PFKFB3: variants seen among roughly 807,000 people sequenced by gnomAD.
The protein encoded by PFKFB3 is 6-phosphofructo-2-kinase/fructose-2,6-bisphosphatase 3.
PFKFB3 carries 33 observed loss-of-function variants against 68.0 expected under a neutral mutation model. The observed-to-expected ratio is 0.49, with a 90% CI of 0.37 to 0.65. The LOEUF (loss-of-function observed/expected upper bound fraction) is 0.65. Among genes scored for constraint, PFKFB3 ranks in the 30% least tolerant of loss-of-function variants. PFKFB3 has a pLI of 0.00. For synonymous variants in PFKFB3, 315 were observed against 288.2 expected (o/e 1.09, Z -0.94); for missense variants, 586 against 712.2 (o/e 0.82, Z 2.02).
At chr10:6,251,147 G>A (rs770660910) in intron 14 of PFKFB3, among the ~76,000 whole-genome samples, 2 of 152,202 alleles carry the variant, frequency 1.3e-5, no homozygotes, top group Non-Finnish European at 2.9e-5. Flanking sequence ...TATTTCACAA[G>A]TTGAAATCAA....
chr10:6,205,805 T>C (rs535615948), intron 1 of PFKFB3, among the ~76,000 whole-genome samples: 115 of 150,796 alleles, frequency 7.6e-4, no homozygotes, highest in Non-Finnish European at 9.0e-4. Context: ...TTTATTTATT[T>C]ATTCATTTTT....
rs1846444344 is a variant in PFKFB3, at chr10:6,254,087, T to C, written c.1516-91T>C. ...TGGAGGGTCTTTTTCATCCATGTACTTTCAGATGGCTTTTTTTTTTTTTTT... is the reference window on the plus strand; with the variant it reads ...TGGAGGGTCTTTTTCATCCATGTACCTTCAGATGGCTTTTTTTTTTTTTTT... On this transcript the variant is annotated intron_variant, in intron 14 of 14. Coordinates refer to the PFKFB3 transcript ENST00000640683. The C allele has an allele frequency of 7.8e-6, 3 of 383,542 alleles. No homozygotes were observed. In the East Asian group the frequency reaches 1.1e-4, roughly 14 times the overall value. 23.8% of individuals were successfully genotyped at this position (383,542 alleles called of 1,614,324 possible). A position where few individuals can be genotyped will look rare whatever the true frequency, so the allele number is the denominator to read the frequency against.
chr10:6,290,281 C>G, the PFKFB3 span, among the ~76,000 whole-genome samples: 1 of 151,602 alleles, frequency 6.6e-6, no homozygotes, highest in South Asian at 2.1e-4. Context: ...CTGTCTTGTG[C>G]CAGTTTTCAA....
chr10:6,304,923 C>A, the PFKFB3 span, among the ~76,000 whole-genome samples: 1 of 147,328 alleles, frequency 6.8e-6, no homozygotes, highest in Admixed American at 6.9e-5. Context: ...CTCAAGCTAT[C>A]CTCCTGCCTC....
the PFKFB3 span, among the ~76,000 whole-genome samples, chr10:6,263,011 G>A: frequency 1.4e-3 from 214 of 152,256 alleles, 1 homozygote; most frequent in Admixed American, 9.9e-3. Context: ...CAGCGCTAGA[G>A]GAATTAAAGA....
At chr10:6,286,021 A>G in the PFKFB3 span, among the ~76,000 whole-genome samples, 2 of 118,852 alleles carry the variant, frequency 1.7e-5, no homozygotes, top group Non-Finnish European at 3.2e-5. Flanking sequence ...TCTGTCGCCC[A>G]GGCTGGAGTG....
chr10:6,166,648 C>T (rs1005201499), intron 1 of PFKFB3, among the ~76,000 whole-genome samples: 2 of 152,114 alleles, frequency 1.3e-5, no homozygotes, highest in Non-Finnish European at 2.9e-5. Flanking sequence ...AGCCTCCCAT[C>T]TCACCGCAAG....
intron 14 of PFKFB3, among the ~76,000 whole-genome samples, chr10:6,226,861 G>A (rs1406404669): frequency 6.6e-6 from 1 of 152,202 alleles, no homozygotes; most frequent in Non-Finnish European, 1.5e-5. Context: ...CGAGGTGGGC[G>A]GATCACCTGA....
the PFKFB3 span, among the ~76,000 whole-genome samples, chr10:6,269,156 C>T: frequency 5.4e-4 from 82 of 151,492 alleles, no homozygotes; most frequent in South Asian, 1.2e-3. Flanking sequence ...CCTGGGTCTT[C>T]ATCTTCCCTG....
At position 6,210,506 on chromosome 10, in the gene PFKFB3, G is replaced by T. The variant is rs1308459251; in HGVS notation, c.77-3117G>T. Among the ~76,000 whole-genome samples, 3 of 115,216 alleles carry T rather than the reference G, an allele frequency of 2.6e-5. 1 individual carries two copies. The highest frequency in any genetic ancestry group is 8.0e-5 in the African/African-American group (3 of 37,644). The allele number at this position is 115,216 out of a possible 152,430, so 75.6% of individuals were successfully genotyped here. On this transcript the variant is annotated intron_variant, in intron 1 of 14. Transcript: ENST00000379775. ...CTCCCGAGTAGCTGGGACTACAGGCGCCCGCCAACATGGCCGGCTAATTTT... is the reference window on the plus strand; with the variant it reads ...CTCCCGAGTAGCTGGGACTACAGGCTCCCGCCAACATGGCCGGCTAATTTT...
At chr10:6,190,802 A>C (rs1356199828) in intron 1 of PFKFB3, among the ~76,000 whole-genome samples, 3 of 152,092 alleles carry the variant, frequency 2.0e-5, no homozygotes, top group Non-Finnish European at 4.4e-5. Flanking sequence ...TTTCGGAGAT[A>C]GGGTCTTGCT....
intron 1 of PFKFB3, among the ~76,000 whole-genome samples, chr10:6,150,348 C>G (rs912440641): frequency 3.3e-5 from 5 of 152,158 alleles, no homozygotes; most frequent in Admixed American, 2.0e-4. Context: ...AGGCCAGGCA[C>G]GGTGGCTCAT....
chr10:6,148,538 G>A (rs1221001140), intron 1 of PFKFB3, among the ~76,000 whole-genome samples: 2 of 152,222 alleles, frequency 1.3e-5, no homozygotes, highest in African/African-American at 2.4e-5. Context: ...AGCTCTTCCT[G>A]TGGGTCTCCA....
the PFKFB3 span, among the ~76,000 whole-genome samples, chr10:6,262,373 G>C: frequency 5.1e-4 from 19 of 37,190 alleles, no homozygotes; most frequent in Admixed American, 3.4e-3. Flanking sequence ...AGAATGGCGT[G>C]AACCCTGGGG....
chr10:6,183,614 A>AAAAAAAAAT (rs1242752213), intron 1 of PFKFB3, among the ~76,000 whole-genome samples: 5 of 93,942 alleles, frequency 5.3e-5, no homozygotes, highest in African/African-American at 1.7e-4. Context: ...AAAAAAAAAA[A>AAAAAAAAAT]ATATATATAT....
chr10:6,154,832 G>A lies in PFKFB3; in HGVS notation c.16+9819G>A, dbSNP rs568746935. Among the ~76,000 whole-genome samples the A allele has an allele frequency of 1.1e-4, 17 of 152,346 alleles. No homozygotes were observed. In the South Asian group the frequency reaches 3.3e-3, roughly 30 times the overall value. ...CTGGGGAGACGCTGGGAGCCAGGTG[G>A]CCGAGGCGGTCGAGGCCTGGGTTGT... On this transcript the variant is annotated intron_variant, in intron 1 of 14. Transcript: ENST00000379789. This position sits in a 1 kb window ranked among gnomAD's most constrained non-coding sequence, Gnocchi z 4.6.
chr10:6,246,894 A>C (rs897239576), intron 14 of PFKFB3, among the ~76,000 whole-genome samples: 11 of 152,150 alleles, frequency 7.2e-5, no homozygotes, highest in Admixed American at 5.9e-4. Context: ...AAAAATGTCC[A>C]TTTTACAAGT....
At position 6,196,339 on chromosome 10, in the gene PFKFB3, G is replaced by T. The variant is rs549788845; in HGVS notation, c.17-17284G>T. 3.9e-5 allele frequency among the ~76,000 whole-genome samples: 6 copies of T among 152,122 alleles called. No individual in the cohort carries two copies. In the East Asian group the frequency reaches 1.2e-3, roughly 29 times the overall value. ...TTGTAGAGATGGTGGATTAGTCAGGGTTCTGTAGAGGGACAGAACTAATAG... is the reference window on the plus strand; with the variant it reads ...TTGTAGAGATGGTGGATTAGTCAGGTTTCTGTAGAGGGACAGAACTAATAG... On this transcript the variant is annotated intron_variant, in intron 1 of 14. Coordinates refer to the PFKFB3 transcript ENST00000379789.
intron 14 of PFKFB3, among the ~76,000 whole-genome samples, chr10:6,251,975 CAAAT>C (rs1317728141): frequency 2.6e-5 from 4 of 151,966 alleles, no homozygotes; most frequent in East Asian, 3.9e-4. Context: ...CTCAAAAAAA[CAAAT>C]AAATAAATAA....
Sources: allele counts gnomAD v4.1 joint callset (sites outside exome capture counted in the v4.1 genomes callset), GRCh38; gene constraint gnomAD v4.1.1; non-coding constraint Gnocchi (gnomAD v3.1); transcripts MANE v1.5; gene names NCBI Gene and HGNC (gene_info 2026-07-23, HGNC 2026-07-21).